The following PLA2R1 variants were observed in gnomAD, a reference collection of about 807,000 sequenced individuals.
The protein encoded by PLA2R1 is phospholipase A2 receptor 1, also known as secretory phospholipase A2 receptor.
A neutral mutation model predicts 195.9 loss-of-function variants in PLA2R1; 158 were observed. The observed-to-expected ratio is 0.81, with a 90% CI of 0.71 to 0.92. PLA2R1 has a LOEUF of 0.92. PLA2R1 is among the 40% of genes least tolerant of loss of function. The pLI is 0.00. For missense variants in PLA2R1, 1,626 were observed against 1,764.6 expected, an observed-to-expected ratio of 0.92 and a Z score of 1.41; for synonymous variants, 586 against 598.2, an observed-to-expected ratio of 0.98 and a Z score of 0.30.
In PLA2R1 at chr2:160,005,739, G is replaced by A; in HGVS notation, c.1747C>T (p.Gln583Ter). 6.2e-7 allele frequency: 1 copy of A among 1,612,954 alleles called. No homozygotes were observed. ...CAAGTGTATTCTCCCGTATCATTTT[G>A]GTCCTGAAGAGCTATCCAAAAATAA... ...DSYFWIALQD[Q>*]NDTGEYTWKP... Residue 583 changes from glutamine (Q) to a stop codon, truncating the protein, a stop_gained, in exon 11 of 30, where the codon CAA becomes TAA. Transcript: ENST00000283243. LOFTEE classifies it high-confidence loss of function.
intron 1 of PLA2R1, among the ~76,000 whole-genome samples, chr2:160,051,724 G>C (rs1695224773): frequency 6.6e-6 from 1 of 152,148 alleles, no homozygotes. Context: ...TTCTTAATAT[G>C]ACCTTTCAAA....
At chr2:159,987,922 T>TAG (rs1370571490) in intron 11 of PLA2R1, among the ~76,000 whole-genome samples, 3 of 151,626 alleles carry the variant, frequency 2.0e-5, no homozygotes, top group Non-Finnish European at 4.4e-5. Flanking sequence ...AAGACAGAAT[T>TAG]AGAGAGAGAG....
chr2:159,944,799 T>C, intron 28 of PLA2R1, 107 bp downstream of exon 28: 1 of 794,122 alleles, frequency 1.3e-6, no homozygotes, highest in South Asian at 1.6e-5. Context: ...AGAATCTATC[T>C]GAATACTCTC....
intron 6 of PLA2R1, 74 bp from the exon 7 acceptor site, chr2:160,022,933 T>C: frequency 2.9e-6 from 3 of 1,025,014 alleles, no homozygotes; most frequent in South Asian, 1.7e-5. Flanking sequence ...TTATGTAAAT[T>C]GCCATTAATA....
rs1310396946 is a variant in PLA2R1, at chr2:160,022,838, T to C, written c.1121A>G (p.Tyr374Cys). Residue 374 changes from tyrosine to cysteine, a missense_variant, in exon 7 of 30, where the codon TAT (tyrosine) becomes TGT (cysteine). Coordinates refer to ENST00000283243, the MANE Select transcript of PLA2R1 (RefSeq NM_007366.5). ...EIVEKDAWKY[Y>C]ATHCEPGWNP... ...CCAGCCAGGCTCACAGTGGGTAGCATAATATTTCCACGCATCTTTTTCTTT... is the reference window on the plus strand; with the variant it reads ...CCAGCCAGGCTCACAGTGGGTAGCACAATATTTCCACGCATCTTTTTCTTT... 2.5e-6 allele frequency: 4 copies of C among 1,598,288 alleles called. No homozygotes were observed. The highest frequency in any genetic ancestry group is 3.4e-6 in the Non-Finnish European group (4 of 1,173,894).
In PLA2R1 at chr2:159,935,128, G is replaced by A. The variant is rs1686765357; in HGVS notation, c.*6650C>T. On this transcript the variant is annotated 3_prime_UTR_variant, in exon 30 of 30. Transcript: ENST00000283243. ...AAAGAAGTCATGTGCCCTTCTCAAT[G>A]CCATACCAGGGGGTACATGATGCTG... The A allele has an allele frequency of 6.6e-6, 1 of 152,200 alleles. No homozygotes were observed. The highest frequency in any genetic ancestry group is 6.5e-5 in the Admixed American group (1 of 15,274). The allele number at this position is 152,200 out of a possible 1,614,324, so 9.4% of individuals were successfully genotyped here. A position where few individuals can be genotyped will look rare whatever the true frequency, so the allele number is the denominator to read the frequency against.
chr2:159,966,717 C>T (rs1244728167), intron 20 of PLA2R1, among the ~76,000 whole-genome samples: 4 of 152,056 alleles, frequency 2.6e-5, no homozygotes, highest in African/African-American at 9.7e-5. Flanking sequence ...ATTGGCTGTC[C>T]ACAATTGAAG....
chr2:159,979,979 C>A, intron 13 of PLA2R1, 65 bp from the exon 14 acceptor site: 3 of 891,102 alleles, frequency 3.4e-6, no homozygotes, highest in South Asian at 1.4e-5. Flanking sequence ...GTGAAAGGTT[C>A]AAAAAATACC....
chr2:160,002,038 A>T (rs1328829732), intron 11 of PLA2R1, among the ~76,000 whole-genome samples: 1 of 151,718 alleles, frequency 6.6e-6, no homozygotes, highest in African/African-American at 2.4e-5. Context: ...ATATATATAT[A>T]AAAAGAACAC....
At chr2:160,061,107 G>A (rs1559039561) in intron 1 of PLA2R1, among the ~76,000 whole-genome samples, 1 of 152,180 alleles carries the variant, frequency 6.6e-6, no homozygotes, top group African/African-American at 2.4e-5. Flanking sequence ...AAATGTGAAC[G>A]CAGATATTGA....
intron 11 of PLA2R1, among the ~76,000 whole-genome samples, chr2:159,999,185 T>C (rs1289967021): frequency 6.6e-6 from 1 of 152,148 alleles, no homozygotes; most frequent in Non-Finnish European, 1.5e-5. Flanking sequence ...CTTCCCAGCC[T>C]CTAGAACTGT....
At chr2:159,924,618 T>C in the PLA2R1 span, among the ~76,000 whole-genome samples, 13 of 148,772 alleles carry the variant, frequency 8.7e-5, no homozygotes, top group African/African-American at 2.5e-4. Flanking sequence ...ATCTTTAAAC[T>C]GAAAGAAGTT....
intron 3 of PLA2R1, among the ~76,000 whole-genome samples, chr2:160,036,306 C>G (rs895179658): frequency 6.6e-6 from 1 of 152,194 alleles, no homozygotes; most frequent in Non-Finnish European, 1.5e-5. Context: ...CTATGCATGT[C>G]AGAAACATGG....
chr2:160,059,661 A>C (rs1695822126), intron 1 of PLA2R1, among the ~76,000 whole-genome samples: 1 of 152,118 alleles, frequency 6.6e-6, no homozygotes, highest in African/African-American at 2.4e-5. Flanking sequence ...CCATTTTCAC[A>C]CTGCTGAAAA....
chr2:160,055,611 G>A (rs765053372), intron 1 of PLA2R1, among the ~76,000 whole-genome samples: 3 of 152,208 alleles, frequency 2.0e-5, no homozygotes, highest in Non-Finnish European at 4.4e-5. Context: ...ACCACACCAT[G>A]GGGTCACAAG....
intron 14 of PLA2R1, among the ~76,000 whole-genome samples, chr2:159,977,713 A>G (rs752385506): frequency 7.2e-5 from 11 of 152,168 alleles, no homozygotes; most frequent in Admixed American, 1.3e-4. Flanking sequence ...CAAGGTGGGC[A>G]GATCACAAGC....
intron 14 of PLA2R1, among the ~76,000 whole-genome samples, chr2:159,978,402 A>G (rs1473446574): frequency 6.6e-6 from 1 of 152,224 alleles, no homozygotes; most frequent in Admixed American, 6.5e-5. Context: ...CTGTCACGTA[A>G]TAATTCATCT....
chr2:160,039,550 A>G (rs1288744795), intron 3 of PLA2R1, among the ~76,000 whole-genome samples: 2 of 152,150 alleles, frequency 1.3e-5, no homozygotes, highest in Non-Finnish European at 2.9e-5. Flanking sequence ...GATGAGATAC[A>G]GCAGTACAGA....
intron 11 of PLA2R1, among the ~76,000 whole-genome samples, chr2:159,988,354 T>C (rs1243252251): frequency 6.6e-6 from 1 of 151,782 alleles, no homozygotes; most frequent in African/African-American, 2.4e-5. Context: ...GGCTGTATAT[T>C]AACTGCTTGA....
Sources: gnomAD v4.1 joint callset for allele counts (sites outside exome capture counted in the v4.1 genomes callset) on GRCh38, gnomAD v4.1.1 for gene constraint, MANE v1.5 for transcripts, NCBI Gene and HGNC (gene_info 2026-07-23, HGNC 2026-07-21) for gene names.